Variants in CHRNA7 observed in about 807,000 individuals in gnomAD.
CHRNA7 encodes cholinergic receptor nicotinic alpha 7 subunit, also known as neuronal acetylcholine receptor subunit alpha-7.
CHRNA7 carries 17 observed loss-of-function variants against 48.0 expected under a neutral mutation model. The ratio of observed to expected loss-of-function variants is 0.35; its 90% CI spans 0.24 to 0.53. CHRNA7 has a LOEUF of 0.53. Ranked by LOEUF, CHRNA7 falls within the 20% of genes least tolerant of loss-of-function variation. The probability of loss-of-function intolerance (pLI) is 0.92; values close to 1 mark genes in which losing one functional copy is unlikely to be tolerated. For synonymous variants in CHRNA7, 75 were observed against 242.3 expected (o/e 0.31, Z 6.41); for missense variants, 155 against 577.7 (o/e 0.27, Z 7.50).
chr15:32,079,370 T>C (rs1486176480), intron 2 of CHRNA7, among the ~76,000 whole-genome samples: 2 of 152,332 alleles, frequency 1.3e-5, no homozygotes, highest in East Asian at 3.9e-4. Flanking sequence ...TTGTCTCTGT[T>C]TGCAGATGAT....
intron 2 of CHRNA7, among the ~76,000 whole-genome samples, chr15:32,049,494 G>T (rs1432220790): frequency 6.6e-6 from 1 of 152,016 alleles, no homozygotes; most frequent in African/African-American, 2.4e-5. Context: ...TTTTCCATTT[G>T]CTTGGTAGAT....
Position 32,170,536 on chromosome 15 carries a change from A to G in CHRNA7, c.*2078A>G, listed in dbSNP as rs1048931510. 2 of 150,064 alleles carry G rather than the reference A, an allele frequency of 1.3e-5. No homozygotes were observed. Among genetic ancestry groups the G allele is most frequent in the South Asian group, 2.1e-4 (1 of 4,666 alleles). 9.3% of individuals were successfully genotyped at this position (150,064 alleles called of 1,614,324 possible). On this transcript the variant is annotated 3_prime_UTR_variant, in exon 10 of 10. Transcript: ENST00000306901. ...TTATCCCAAAATTGATCCCTCCCAC[A>G]TTTTTGCTTTAAAAAGAAACCTTTT...
At chr15:32,095,182 G>A (rs1595439699) in intron 2 of CHRNA7, among the ~76,000 whole-genome samples, 1 of 152,190 alleles carries the variant, frequency 6.6e-6, no homozygotes, top group East Asian at 1.9e-4. Context: ...CCCAAAATGT[G>A]AGCAGAGGTA....
chr15:32,087,819 A>G (rs1435484254), intron 2 of CHRNA7, among the ~76,000 whole-genome samples: 1 of 152,198 alleles, frequency 6.6e-6, no homozygotes, highest in African/African-American at 2.4e-5. Flanking sequence ...GAATACACCC[A>G]GTTTCAAAGT....
At chr15:32,094,624 G>A (rs1209496864) in intron 2 of CHRNA7, among the ~76,000 whole-genome samples, 2 of 151,808 alleles carry the variant, frequency 1.3e-5, no homozygotes, top group Admixed American at 6.6e-5. Flanking sequence ...ATTTAACAGT[G>A]GAGAATTTTG....
intron 2 of CHRNA7, among the ~76,000 whole-genome samples, chr15:32,059,944 C>CAAAAAAAA (rs34200550): frequency 1.8e-4 from 6 of 33,050 alleles, no homozygotes; most frequent in African/African-American, 2.5e-4. Flanking sequence ...AGTAGAAAAG[C>CAAAAAAAA]AAAAAAAAAA....
intron 4 of CHRNA7, among the ~76,000 whole-genome samples, chr15:32,114,200 CTTA>C (rs1482039378): frequency 2.0e-5 from 3 of 151,052 alleles, no homozygotes; most frequent in Non-Finnish European, 4.4e-5. Flanking sequence ...TTGGTGGAAT[CTTA>C]TTAACACGGT....
Position 32,137,034 on chromosome 15 carries a change from A to AAAAAAATAAAAAT in CHRNA7, c.351-16867_351-16866insTAAAAATAAAAAA, listed in dbSNP as rs1212076053. ...GCGACAGAGCGAGACTCCGTCTCAA[A>AAAAAAATAAAAAT]AAAAAAAAAAAAGAAAAAAAAAAGA... On this transcript the variant is annotated intron_variant, in intron 4 of 9. Transcript: ENST00000306901. Among the ~76,000 whole-genome samples the AAAAAAATAAAAAT allele has an allele frequency of 1.2e-3, 175 of 146,910 alleles. 1 individual carries two copies. The highest frequency in any genetic ancestry group is 4.1e-3 in the African/African-American group (162 of 39,736).
intron 4 of CHRNA7, among the ~76,000 whole-genome samples, chr15:32,113,333 C>G (rs2050794998): frequency 1.3e-5 from 2 of 152,134 alleles, no homozygotes; most frequent in Admixed American, 1.3e-4. Flanking sequence ...GCTCATGACC[C>G]TCTTTTACTT....
chr15:32,123,837 AG>A (rs758402756), intron 4 of CHRNA7, among the ~76,000 whole-genome samples: 1 of 152,016 alleles, frequency 6.6e-6, no homozygotes, highest in Non-Finnish European at 1.5e-5. Flanking sequence ...GTGCCCATGT[AG>A]GCATAAAAGT....
intron 2 of CHRNA7, among the ~76,000 whole-genome samples, chr15:32,046,809 C>T (rs112097286): frequency 0.061 from 9,306 of 151,726 alleles, 353 homozygotes; most frequent in East Asian, 0.13. Context: ...TTAGGTCTAA[C>T]GTTTAAGTCT....
chr15:32,146,550 A>C (rs1420554929), intron 4 of CHRNA7, among the ~76,000 whole-genome samples: 2 of 152,252 alleles, frequency 1.3e-5, no homozygotes, highest in Admixed American at 6.5e-5. Flanking sequence ...CTGATACAAA[A>C]CAAGATCTAT....
intron 2 of CHRNA7, among the ~76,000 whole-genome samples, chr15:32,089,091 T>C (rs2050343434): frequency 1.3e-5 from 2 of 152,224 alleles, no homozygotes; most frequent in South Asian, 4.1e-4. Context: ...ATTTAATTTC[T>C]GTGATAAGAA....
chr15:32,054,850 A>G (rs894757061), intron 2 of CHRNA7, among the ~76,000 whole-genome samples: 1 of 152,228 alleles, frequency 6.6e-6, no homozygotes, highest in Non-Finnish European at 1.5e-5. Context: ...ACTTCAAGGA[A>G]TGTGTTACAT....
At chr15:32,145,623 A>G (rs1420446274) in intron 4 of CHRNA7, among the ~76,000 whole-genome samples, 1 of 152,154 alleles carries the variant, frequency 6.6e-6, no homozygotes, top group Non-Finnish European at 1.5e-5. Context: ...AAGCCTCAGC[A>G]GTGGCGGACA....
chr15:32,050,677 CGTTGT>C (rs1178113496), intron 2 of CHRNA7, among the ~76,000 whole-genome samples: 1 of 152,162 alleles, frequency 6.6e-6, no homozygotes, highest in Non-Finnish European at 1.5e-5. Flanking sequence ...AGCTTTGTTC[CGTTGT>C]TGGTGAGGAA....
chr15:32,047,031 C>G (rs1375455328), intron 2 of CHRNA7, among the ~76,000 whole-genome samples: 2 of 137,966 alleles, frequency 1.4e-5, no homozygotes, highest in Non-Finnish European at 1.5e-5. Flanking sequence ...TGGTCTATAT[C>G]TCTGTTTTGG....
chr15:32,141,081 CTT>C (rs2051369756), intron 4 of CHRNA7, among the ~76,000 whole-genome samples: 1 of 152,142 alleles, frequency 6.6e-6, no homozygotes, highest in Non-Finnish European at 1.5e-5. Flanking sequence ...TTTAATCCAT[CTT>C]GAGTTAATTT....
intron 4 of CHRNA7, among the ~76,000 whole-genome samples, chr15:32,122,887 CAAAAA>C (rs61151556): frequency 9.3e-6 from 1 of 107,916 alleles, no homozygotes; most frequent in Non-Finnish European, 1.9e-5. Flanking sequence ...GCTCTCAAAG[CAAAAA>C]AAAAAAAAAA....
Sources: gnomAD v4.1 joint callset for allele counts (sites outside exome capture counted in the v4.1 genomes callset) on GRCh38, gnomAD v4.1.1 for gene constraint, MANE v1.5 for transcripts, NCBI Gene and HGNC (gene_info 2026-07-23, HGNC 2026-07-21) for gene names.